The following ATP6V0A2 variants were observed in gnomAD, a reference collection of about 807,000 sequenced individuals.
ATP6V0A2 encodes the protein ATPase H+ transporting V0 subunit a2, also known as V-type proton ATPase 116 kDa subunit a 2.
Under a neutral mutation model 104.4 loss-of-function variants are expected in ATP6V0A2, and 58 were observed. That is an observed-to-expected ratio of 0.56 (90% CI 0.45 to 0.69). The LOEUF (loss-of-function observed/expected upper bound fraction) is 0.69. Among genes scored for constraint, ATP6V0A2 ranks in the 30% least tolerant of loss-of-function variants. The pLI is 0.00. For synonymous variants in ATP6V0A2, 376 were observed against 397.9 expected (o/e 0.95, Z 0.65); for missense variants, 938 against 1,062.9 (o/e 0.88, Z 1.63).
At chr12:123,721,045 T>TA (rs1295868149) in intron 2 of ATP6V0A2, among the ~76,000 whole-genome samples, 2 of 152,202 alleles carry the variant, frequency 1.3e-5, no homozygotes, top group African/African-American at 4.8e-5. Flanking sequence ...AACCAGTTAG[T>TA]AACACTTCTA....
chr12:123,745,093 A>T, intron 13 of ATP6V0A2, 121 bp downstream of exon 13: 1 of 1,006,116 alleles, frequency 9.9e-7, no homozygotes, highest in South Asian at 1.3e-5. Flanking sequence ...GGAGGTGCTC[A>T]TTAGCCCCTG....
rs778174503 is a variant in ATP6V0A2 at position 123,743,851 on chromosome 12, C to G, written c.1105C>G (p.Arg369Gly). The G allele has an allele frequency of 3.7e-6, 6 of 1,614,028 alleles. No homozygotes were observed. In the African/African-American group the frequency reaches 8.0e-5, roughly 22 times the overall value. Reference protein sequence around the residue: ...IIPTKETPPTRIRTNKFTEGF... With the variant: ...IIPTKETPPTGIRTNKFTEGF... ...CCCCACAAAAGAAACACCCCCCACTCGGATCCGCACCAACAAATTCACCGA... is the reference window on the plus strand; with the variant it reads ...CCCCACAAAAGAAACACCCCCCACTGGGATCCGCACCAACAAATTCACCGA... The change falls in exon 10 of 20, where the codon CGG becomes GGG. Residue 369 changes from arginine to glycine, a missense_variant. Arg to Gly is a moderately radical substitution (Grantham distance 125). Coordinates refer to ENST00000330342, the MANE Select transcript of ATP6V0A2 (RefSeq NM_012463.4).
intron 6 of ATP6V0A2, chr12:123,732,656 A>C (rs1593898268): frequency 1.4e-5 from 2 of 139,874 alleles, no homozygotes; most frequent in African/African-American, 2.6e-5. Flanking sequence ...ATTTACCCTG[A>C]CTTGAAGCTC....
intron 9 of ATP6V0A2, chr12:123,738,886 G>A (rs1449169132): frequency 6.6e-6 from 1 of 152,138 alleles, no homozygotes; most frequent in Non-Finnish European, 1.5e-5. Context: ...AAAATATAAT[G>A]TCCATTATGA....
rs1398312153 is a variant in ATP6V0A2 at position 123,759,979 on chromosome 12, C to T, written c.*1947C>T. On this transcript the variant is annotated 3_prime_UTR_variant, in exon 20 of 20. Transcript: ENST00000330342. ...ACTTGTGTTGGGTGACTATGACATCCCAGCAGTGCTGGTCAGGTCTCAGAG... is the reference window on the plus strand; with the variant it reads ...ACTTGTGTTGGGTGACTATGACATCTCAGCAGTGCTGGTCAGGTCTCAGAG... The T allele has an allele frequency of 6.6e-6, 1 of 152,124 alleles. No individual in the cohort carries two copies. Among genetic ancestry groups the T allele is most frequent in the Non-Finnish European group, 1.5e-5 (1 of 68,014 alleles). 9.4% of individuals were successfully genotyped at this position (152,124 alleles called of 1,614,324 possible).
At chr12:123,718,739 C>G in intron 2 of ATP6V0A2, 38 bp downstream of exon 2, 1 of 1,436,892 alleles carries the variant, frequency 7.0e-7, no homozygotes, top group Non-Finnish European at 9.8e-7. Flanking sequence ...TAAATAATTA[C>G]CTTTATATAG....
rs1230189144 is a variant in ATP6V0A2 at position 123,718,709 on chromosome 12, T to C, written c.196+8T>C. On this transcript the variant is annotated splice_region_variant and intron_variant, in intron 2 of 19. Transcript: ENST00000330342. ...AGCTAGAGCGAATATTGGGTAAGTT[T>C]ATTTTCTGATTTAACAACTTAAATA... is the stretch of plus-strand genomic sequence containing the variant. 2 of 1,598,740 alleles carry C rather than the reference T, an allele frequency of 1.3e-6. No individual in the cohort carries two copies. Among genetic ancestry groups the C allele is most frequent in the East Asian group, 4.5e-5 (2 of 44,704 alleles).
chr12:123,712,363 G>A lies in ATP6V0A2; in HGVS notation c.-203G>A. On this transcript the variant is annotated 5_prime_UTR_variant, in exon 1 of 20. Transcript: ENST00000330342. Reference sequence around the variant, plus strand: ...CAGTGGCTTGGGGGCGGGACCTCGCGGACTGCTGTGGCGGCAGCTGGAGCG... The same window carrying A: ...CAGTGGCTTGGGGGCGGGACCTCGCAGACTGCTGTGGCGGCAGCTGGAGCG... The A allele has an allele frequency of 6.0e-6, 2 of 332,864 alleles. No homozygotes were observed. The highest frequency in any genetic ancestry group is 5.4e-6 in the Non-Finnish European group (1 of 185,996). The allele number at this position is 332,864 out of a possible 1,614,324, so 20.6% of individuals were successfully genotyped here. A position where few individuals can be genotyped will look rare whatever the true frequency, so the allele number is the denominator to read the frequency against.
At position 123,717,624 on chromosome 12, in the gene ATP6V0A2, T is replaced by C. The variant is rs550647249; in HGVS notation, c.118-999T>C. ...CAGGCCTGGCTAATTTTTTATTTTT[T>C]GGAGAGATGGTGTCTTACCATGTTG... On this transcript the variant is annotated intron_variant, in intron 1 of 19. Coordinates refer to ENST00000330342, the MANE Select transcript of ATP6V0A2 (RefSeq NM_012463.4). Among the ~76,000 whole-genome samples, 384 of 151,906 alleles carry C rather than the reference T, an allele frequency of 2.5e-3. 2 individuals are homozygous for C. The highest frequency in any genetic ancestry group is 4.9e-3 in the Admixed American group (75 of 15,250).
chr12:123,728,075 A>G (rs778542673), intron 6 of ATP6V0A2, among the ~76,000 whole-genome samples, 166 bp downstream of exon 6: 3 of 152,228 alleles, frequency 2.0e-5, no homozygotes, highest in Non-Finnish European at 4.4e-5. Context: ...AATCAGGGAC[A>G]TTGTCTTATA....
Position 123,743,436 on chromosome 12 carries a change from C to G in ATP6V0A2, c.1039-349C>G, listed in dbSNP as rs541385612. Among the ~76,000 whole-genome samples the G allele has an allele frequency of 2.6e-5, 4 of 152,264 alleles. No homozygotes were observed. In the South Asian group the frequency reaches 8.3e-4, roughly 32 times the overall value. On this transcript the variant is annotated intron_variant, in intron 9 of 19. Transcript: ENST00000330342. Reference sequence around the variant, plus strand: ...TGGGAGGCTGAGACAGGTGGATCACCTGAGGTCGGGAGTTCGAGACCAGCC... The same window carrying G: ...TGGGAGGCTGAGACAGGTGGATCACGTGAGGTCGGGAGTTCGAGACCAGCC...
At chr12:123,713,025 C>T (rs749695602) in intron 1 of ATP6V0A2, among the ~76,000 whole-genome samples, 1 of 152,042 alleles carries the variant, frequency 6.6e-6, no homozygotes, top group Non-Finnish European at 1.5e-5. Context: ...TAGGGGGGCG[C>T]ATTAACCAAA....
At chr12:123,752,961 A>G (rs1956730194) in intron 17 of ATP6V0A2, among the ~76,000 whole-genome samples, 1 of 152,170 alleles carries the variant, frequency 6.6e-6, no homozygotes, top group African/African-American at 2.4e-5. Context: ...TCTTTCCATT[A>G]GAGAGCAAAG....
chr12:123,748,725 T>A lies in ATP6V0A2; in HGVS notation c.1875T>A (p.Ile625=). ...ETSRVAPSIL[I]EFINMFLFPA... The stretch of plus-strand genomic sequence containing the variant: ...CCAGAGTTGCTCCCAGCATTCTGAT[T>A]GAATTTATTAACATGTTTTTATTCC... Residue 625 remains isoleucine (I), a synonymous_variant, in exon 15 of 20, where the codon ATT becomes ATA. Transcript: ENST00000330342. 1 of 1,614,222 alleles carries A rather than the reference T, an allele frequency of 6.2e-7. No homozygotes were observed. Among genetic ancestry groups the A allele is most frequent in the Non-Finnish European group, 8.5e-7 (1 of 1,180,048 alleles).
At position 123,743,776 on chromosome 12, in the gene ATP6V0A2, A is replaced by G. The variant is rs747553054; in HGVS notation, c.1039-9A>G. 6.2e-7 allele frequency: 1 copy of G among 1,613,958 alleles called. No individual in the cohort carries two copies. Among genetic ancestry groups the G allele is most frequent in the Admixed American group, 1.7e-5 (1 of 60,024 alleles). ...AGTAATTTTTTATCTTTCCTTGTTT[A>G]TGTGGAAGAGAGAGAGTGGTGCTAC... On this transcript the variant is annotated splice_polypyrimidine_tract_variant and intron_variant, in intron 9 of 19. Transcript: ENST00000330342.
At chr12:123,756,099 A>C (rs541534012) in intron 18 of ATP6V0A2, among the ~76,000 whole-genome samples, 3,825 of 138,352 alleles carry the variant, frequency 0.028, 174 homozygotes, top group African/African-American at 0.093. Context: ...AAAAAAAAAA[A>C]CCGAAAAACA....
Position 123,758,054 on chromosome 12 carries a change from G to T in ATP6V0A2, c.*22G>T. ...ATGATCATATTGCTGTAACCAACAA[G>T]CTTTCAGATTTATGGAGAATGACCA... On this transcript the variant is annotated 3_prime_UTR_variant, in exon 20 of 20. Coordinates refer to ENST00000330342, the MANE Select transcript of ATP6V0A2 (RefSeq NM_012463.4). 6.7e-7 allele frequency: 1 copy of T among 1,499,538 alleles called. No individual in the cohort carries two copies. 92.9% of individuals were successfully genotyped at this position (1,499,538 alleles called of 1,614,324 possible).
intron 1 of ATP6V0A2, among the ~76,000 whole-genome samples, chr12:123,714,884 A>T (rs1450083078): frequency 1.3e-5 from 2 of 152,208 alleles, no homozygotes; most frequent in Non-Finnish European, 2.9e-5. Context: ...GTTCGAGACC[A>T]TCCTGGCCAA....
Position 123,724,389 on chromosome 12 carries a change from G to A in ATP6V0A2, c.295-265G>A, listed in dbSNP as rs113418391. On this transcript the variant is annotated intron_variant, in intron 3 of 19. Coordinates refer to ENST00000330342, the MANE Select transcript of ATP6V0A2 (RefSeq NM_012463.4). Reference sequence around the variant, plus strand: ...CAATACAAAAAAAAATTAGCTGGGCGTGGTGATGCGCACCTGTAGTCCCAG... The same window carrying A: ...CAATACAAAAAAAAATTAGCTGGGCATGGTGATGCGCACCTGTAGTCCCAG... 2,497 of 361,150 alleles carry A rather than the reference G, an allele frequency of 6.9e-3. 55 individuals are homozygous for A. Among genetic ancestry groups the A allele is most frequent in the African/African-American group, 0.047 (2,211 of 47,006 alleles). The allele number at this position is 361,150 out of a possible 1,614,324, so 22.4% of individuals were successfully genotyped here. A position where few individuals can be genotyped will look rare whatever the true frequency, so the allele number is the denominator to read the frequency against.
Sources: gnomAD v4.1 joint callset for allele counts (sites outside exome capture counted in the v4.1 genomes callset) on GRCh38, gnomAD v4.1.1 for gene constraint, MANE v1.5 for transcripts, NCBI Gene and HGNC (gene_info 2026-07-23, HGNC 2026-07-21) for gene names.